The following ZNF595 variants were observed in gnomAD, a reference collection of about 807,000 sequenced individuals.
ZNF595 encodes the protein zinc finger protein 595.
A neutral mutation model predicts 19.4 loss-of-function variants in ZNF595; 9 were observed. The ratio of observed to expected loss-of-function variants is 0.46; its 90% CI spans 0.28 to 0.81. The LOEUF is 0.81. ZNF595 is among the 30% of genes least tolerant of loss of function. ZNF595 has a pLI of 0.11. For missense variants in ZNF595, 729 were observed against 736.0 expected (o/e 0.99, Z 0.11); for synonymous variants, 255 against 255.9 (o/e 1.00, Z 0.03).
intron 3 of ZNF595, among the ~76,000 whole-genome samples, chr4:73,155 T>C (rs1553798115): frequency 1.3e-5 from 2 of 152,220 alleles, no homozygotes; most frequent in East Asian, 1.9e-4. Context: ...GAATATTGCA[T>C]TGGGGAAAGC....
chr4:66,932 T>G (rs1469373592), intron 3 of ZNF595, among the ~76,000 whole-genome samples: 6 of 149,784 alleles, frequency 4.0e-5, no homozygotes, highest in African/African-American at 1.5e-4. Flanking sequence ...TGAAATTCCA[T>G]GTAAAAGTTA....
chr4:64,102 A>T lies in ZNF595; in HGVS notation c.226+3949A>T, dbSNP rs1380667527. On this transcript the variant is annotated intron_variant, in intron 3 of 3. Coordinates refer to ENST00000610261, the MANE Select transcript of ZNF595 (RefSeq NM_182524.4). ...AGTAAAAATGTTACTGTTTGTAGAT[A>T]ATATAATTATGCGTATATACAAAAC... Among the ~76,000 whole-genome samples, 152 of 123,292 alleles carry T rather than the reference A, an allele frequency of 1.2e-3. No individual in the cohort carries two copies. The Middle Eastern group carries it at 0.02, about 16-fold the overall frequency. 80.9% of individuals were successfully genotyped at this position (123,292 alleles called of 152,430 possible).
intron 3 of ZNF595, among the ~76,000 whole-genome samples, chr4:66,405 T>A (rs1367366981): frequency 4.0e-5 from 6 of 151,864 alleles, no homozygotes; most frequent in African/African-American, 1.5e-4. Context: ...TTCTGCTGCT[T>A]AGGTGGGACT....
At chr4:76,498 T>C (rs1553798743) in intron 3 of ZNF595, among the ~76,000 whole-genome samples, 1 of 152,206 alleles carries the variant, frequency 6.6e-6, no homozygotes, top group Non-Finnish European at 1.5e-5. Flanking sequence ...TACAGTTTTA[T>C]AGCCTTCTAT....
intron 3 of ZNF595, among the ~76,000 whole-genome samples, chr4:81,844 T>G (rs1200762481): frequency 6.6e-6 from 1 of 152,216 alleles, no homozygotes; most frequent in Non-Finnish European, 1.5e-5. Flanking sequence ...TTATCTTTAT[T>G]ATACTTGTGA....
rs1714172776 is a variant in ZNF595, at chr4:86,358, A to G, written c.854A>G (p.Lys285Arg). The G allele has an allele frequency of 2.5e-6, 4 of 1,612,508 alleles. No individual in the cohort carries two copies. In the South Asian group the frequency reaches 3.3e-5, roughly 13 times the overall value. ...KKIHTGEKPY[K>R]CKECGKAFRW... ...ATTCATACTGGAGAGAAACCCTACA[A>G]ATGTAAAGAATGTGGCAAAGCCTTT... The change falls in exon 4 of 4, where the codon AAA becomes AGA. Residue 285 changes from lysine to arginine, a missense_variant. Physicochemically the swap from Lys to Arg is conservative, Grantham distance 26. Around this residue, in one of 2 missense-constraint regions of ZNF595, gnomAD observed 729 missense variants for 675.3 expected, o/e 1.08. Coordinates refer to ENST00000610261, the MANE Select transcript of ZNF595 (RefSeq NM_182524.4).
chr4:71,415 T>C (rs1194099570), intron 3 of ZNF595, among the ~76,000 whole-genome samples: 11 of 152,236 alleles, frequency 7.2e-5, no homozygotes, highest in African/African-American at 2.7e-4. Flanking sequence ...TTTTGTCTTC[T>C]TCAGGTGCAG....
rs1553801708 is a variant in ZNF595, at chr4:86,695, A to T, written c.1191A>T (p.Thr397=). 1.1e-5 allele frequency: 18 copies of T among 1,613,544 alleles called. No homozygotes were observed. Among genetic ancestry groups the T allele is most frequent in the Non-Finnish European group, 1.4e-5 (16 of 1,179,816 alleles). ...TTCATACTGGAGAGAAACCCTACAC[A>T]TGTGAAGAATGTGGCAAAGCTTTTT... ...KRIHTGEKPY[T]CEECGKAFYR... The change falls in exon 4 of 4, where the codon ACA becomes ACT. Residue 397 remains threonine (T), a synonymous_variant. Coordinates refer to ENST00000610261, the MANE Select transcript of ZNF595 (RefSeq NM_182524.4).
In ZNF595 at chr4:87,549, A is replaced by G; in HGVS notation, c.*98A>G. 8.5e-7 allele frequency: 1 copy of G among 1,180,782 alleles called. No individual in the cohort carries two copies. Among genetic ancestry groups the G allele is most frequent in the Non-Finnish European group, 1.1e-6 (1 of 884,366 alleles). The allele number at this position is 1,180,782 out of a possible 1,614,324, so 73.1% of individuals were successfully genotyped here. On this transcript the variant is annotated 3_prime_UTR_variant, in exon 4 of 4. Coordinates refer to ENST00000610261, the MANE Select transcript of ZNF595 (RefSeq NM_182524.4). ...AAACTTGTATTATTTTTCTTATTTT[A>G]AATTTTTTAAAATTTCTGTAGGTAC...
intron 3 of ZNF595, among the ~76,000 whole-genome samples, chr4:69,924 C>T (rs1188274401): frequency 6.6e-6 from 1 of 152,198 alleles, no homozygotes; most frequent in South Asian, 2.1e-4. Flanking sequence ...GCCCACAGAC[C>T]GTGACCCAAA....
chr4:83,338 G>A (rs1269549013), intron 3 of ZNF595, among the ~76,000 whole-genome samples: 1 of 151,954 alleles, frequency 6.6e-6, no homozygotes, highest in African/African-American at 2.4e-5. Context: ...AGCAAGTTGT[G>A]GCTGGGTGTA....
chr4:81,838 C>T (rs1713921966), intron 3 of ZNF595, among the ~76,000 whole-genome samples: 1 of 152,092 alleles, frequency 6.6e-6, no homozygotes, highest in Non-Finnish European at 1.5e-5. Flanking sequence ...CAAGATTTAT[C>T]TTTATTATAC....
intron 3 of ZNF595, among the ~76,000 whole-genome samples, chr4:79,565 T>C (rs1713816956): frequency 6.6e-6 from 1 of 152,198 alleles, no homozygotes. Flanking sequence ...CTGGGCTCAC[T>C]GGATACTTTG....
chr4:79,535 G>A (rs1713815887), intron 3 of ZNF595, among the ~76,000 whole-genome samples: 1 of 152,168 alleles, frequency 6.6e-6, no homozygotes, highest in African/African-American at 2.4e-5. Context: ...TCACTTGGCT[G>A]TAGGCTCATG....
chr4:86,946 A>G lies in ZNF595; in HGVS notation c.1442A>G (p.Lys481Arg), dbSNP rs55755847. 2.3e-3 allele frequency: 3,774 copies of G among 1,612,530 alleles called. 79 individuals carry two copies. The African/African-American group carries it at 0.046, about 19-fold the overall frequency. The change falls in exon 4 of 4, where the codon AAA becomes AGA. Residue 481 changes from lysine (K) to arginine (R), a missense_variant. Lys to Arg is a conservative substitution (Grantham distance 26, BLOSUM62 2). This residue lies in a region of ZNF595 where 729 missense variants were observed against 675.3 expected (regional missense o/e 1.08). Transcript: ENST00000610261. ...KKIHTGEKPY[K>R]CEECGKAFIW... is the part of the protein sequence containing the mutation. ...ATTCATACTGGCGAGAAACCCTACAAATGTGAAGAATGTGGCAAAGCTTTC... is the reference window on the plus strand; with the variant it reads ...ATTCATACTGGCGAGAAACCCTACAGATGTGAAGAATGTGGCAAAGCTTTC...
intron 3 of ZNF595, among the ~76,000 whole-genome samples, chr4:84,044 T>C (rs1432021393): frequency 1.3e-5 from 2 of 152,156 alleles, no homozygotes; most frequent in African/African-American, 4.8e-5. Flanking sequence ...ACATAAAATT[T>C]CTTAAAATAA....
intron 3 of ZNF595, among the ~76,000 whole-genome samples, chr4:77,986 A>G (rs1553799062): frequency 6.6e-6 from 1 of 151,762 alleles, no homozygotes; most frequent in Admixed American, 6.6e-5. Flanking sequence ...GCTGAGACCA[A>G]AGTCTTCAGG....
chr4:72,382 T>G (rs1713467304), intron 3 of ZNF595, among the ~76,000 whole-genome samples: 1 of 152,126 alleles, frequency 6.6e-6, no homozygotes, highest in Non-Finnish European at 1.5e-5. Flanking sequence ...TAGGAAAAAT[T>G]TTCTTCTTTT....
chr4:73,780 T>G (rs1713530478), intron 3 of ZNF595, among the ~76,000 whole-genome samples: 1 of 152,222 alleles, frequency 6.6e-6, no homozygotes, highest in South Asian at 2.1e-4. Flanking sequence ...TCAAATCCTT[T>G]AACTTGAGGG....
Sources: gnomAD v4.1 joint callset for allele counts (sites outside exome capture counted in the v4.1 genomes callset) on GRCh38, gnomAD v4.1.1 for gene constraint, gnomAD v4.1.1 regional missense constraint, MANE v1.5 for transcripts, NCBI Gene and HGNC (gene_info 2026-07-23, HGNC 2026-07-21) for gene names.